DNAH11: variants seen among roughly 807,000 people sequenced by gnomAD.
DNAH11 encodes dynein axonemal heavy chain 11, also known as axonemal beta dynein heavy chain 11.
A neutral mutation model predicts 526.0 loss-of-function variants in DNAH11; 442 were observed. The observed-to-expected ratio is 0.84, with a 90% CI of 0.78 to 0.91. The LOEUF is 0.91. Among genes scored for constraint, DNAH11 ranks in the 40% least tolerant of loss-of-function variants. DNAH11 has a pLI of 0.00. For synonymous variants in DNAH11, 2,461 were observed against 1,935.9 expected (o/e 1.27, Z -7.12); for missense variants, 6,989 against 5,448.7 (o/e 1.28, Z -8.90).
chr7:21,689,817 C>T (rs1223225918), intron 34 of DNAH11, among the ~76,000 whole-genome samples: 2 of 152,234 alleles, frequency 1.3e-5, no homozygotes, highest in Non-Finnish European at 2.9e-5. Context: ...CAGCCCTCCC[C>T]TCTCAGCAAT....
intron 36 of DNAH11, among the ~76,000 whole-genome samples, chr7:21,701,025 T>C (rs774009783): frequency 6.6e-6 from 1 of 152,060 alleles, no homozygotes; most frequent in Non-Finnish European, 1.5e-5. Context: ...GGTTGATGGG[T>C]ACAGCAAACC....
chr7:21,604,969 T>G (rs1485411390), intron 18 of DNAH11, among the ~76,000 whole-genome samples: 1 of 152,206 alleles, frequency 6.6e-6, no homozygotes, highest in Non-Finnish European at 1.5e-5. Flanking sequence ...TGAGCTGGTT[T>G]GGTATTCCTG....
intron 54 of DNAH11, among the ~76,000 whole-genome samples, chr7:21,762,243 A>T (rs552721848): frequency 2.0e-5 from 3 of 152,318 alleles, no homozygotes; most frequent in African/African-American, 7.2e-5. Context: ...TTATCACTCA[A>T]GTAACTCAGG....
At chr7:21,894,528 T>C (rs990082706) in intron 77 of DNAH11, 95 bp from the exon 78 acceptor site, 4 of 1,301,112 alleles carry the variant, frequency 3.1e-6, no homozygotes, top group Non-Finnish European at 4.3e-6. Context: ...AGTCGTATGA[T>C]ATATTCTGTA....
chr7:21,744,407 TA>T (rs1447496946), intron 49 of DNAH11, 30 bp from the exon 50 acceptor site: 1 of 1,606,134 alleles, frequency 6.2e-7, no homozygotes, highest in East Asian at 2.2e-5. Context: ...GCCTCTGAAT[TA>T]AAGGTATTTT....
chr7:21,743,834 T>G (rs934000879), intron 49 of DNAH11, among the ~76,000 whole-genome samples: 4 of 152,186 alleles, frequency 2.6e-5, no homozygotes, highest in African/African-American at 9.7e-5. Context: ...TTTTTTAGCC[T>G]TTTGCAGCTC....
At position 21,900,026 on chromosome 7, in the gene DNAH11, A is replaced by T; in HGVS notation, c.13209A>T (p.Lys4403Asn). The T allele has an allele frequency of 6.2e-7, 1 of 1,613,978 alleles. No individual in the cohort carries two copies. The highest frequency in any genetic ancestry group is 8.5e-7 in the Non-Finnish European group (1 of 1,179,864). Reference protein sequence around the residue: ...MARKNEWPLDKTRLTADVTKK... With the variant: ...MARKNEWPLDNTRLTADVTKK... ...GAAAAAATGAGTGGCCCCTGGATAA[A>T]ACGCGCTTGACTGCTGATGTTACCA... The change falls in exon 81 of 82, where the codon AAA (lysine) becomes AAT (asparagine). Residue 4403 changes from lysine to asparagine, a missense_variant. Coordinates refer to ENST00000409508, the MANE Select transcript of DNAH11 (RefSeq NM_001277115.2).
chr7:21,687,821 G>C (rs1783447637), intron 34 of DNAH11, among the ~76,000 whole-genome samples: 1 of 152,180 alleles, frequency 6.6e-6, no homozygotes, highest in South Asian at 2.1e-4. Flanking sequence ...TTGGGAGTTT[G>C]AGGCGAGAGG....
chr7:21,575,680 C>A lies in DNAH11; in HGVS notation c.1593+3707C>A, dbSNP rs147420591. Among the ~76,000 whole-genome samples the A allele has an allele frequency of 1.6e-3, 239 of 152,262 alleles. 2 individuals are homozygous for A. The East Asian group carries it at 0.035, about 22-fold the overall frequency. On this transcript the variant is annotated intron_variant, in intron 8 of 81. Coordinates refer to ENST00000409508, the MANE Select transcript of DNAH11 (RefSeq NM_001277115.2). ...CTTTCTTCTCACCCTATGGCCTTTT[C>A]CCTAGTCTTCCATTTTTCCTCCCCA...
At position 21,901,122 on chromosome 7, in the gene DNAH11, A is replaced by T. The variant is rs1784799995; in HGVS notation, c.13419A>T (p.Lys4473Asn). 6.2e-7 allele frequency: 1 copy of T among 1,613,296 alleles called. No individual in the cohort carries two copies. The highest frequency in any genetic ancestry group is 1.7e-5 in the Admixed American group (1 of 59,900). ...KATPVDRQET[K>N]QTYECPVYRT... is the part of the protein sequence containing the mutation. ...CCCCCGTGGACAGACAAGAAACCAA[A>T]CAGACCTACGAGTGCCCTGTGTATA... The change falls in exon 82 of 82, where the codon AAA becomes AAT. Residue 4473 changes from lysine to asparagine, a missense_variant. Coordinates refer to ENST00000409508, the MANE Select transcript of DNAH11 (RefSeq NM_001277115.2).
chr7:21,824,338 C>T (rs2128004100), intron 65 of DNAH11, among the ~76,000 whole-genome samples: 1 of 152,250 alleles, frequency 6.6e-6, no homozygotes, highest in South Asian at 2.1e-4. Flanking sequence ...GCCTCCACTT[C>T]CAAAGGTAGC....
rs1209924469 is a variant in DNAH11 at position 21,773,762 on chromosome 7, T to C, written c.9103-4T>C. On this transcript the variant is annotated splice_polypyrimidine_tract_variant and splice_region_variant and intron_variant, in intron 55 of 81. Coordinates refer to ENST00000409508, the MANE Select transcript of DNAH11 (RefSeq NM_001277115.2). ...CACATGAACTGTAATGTTTGTGTTT[T>C]CAGCCAGTGCACAAAGACTCTATTA... 1 of 1,529,782 alleles carries C rather than the reference T, an allele frequency of 6.5e-7. No individual in the cohort carries two copies. The highest frequency in any genetic ancestry group is 1.3e-5 in the South Asian group (1 of 74,668). 94.8% of individuals were successfully genotyped at this position (1,529,782 alleles called of 1,614,324 possible).
chr7:21,609,658 CAG>C (rs1160561666), intron 20 of DNAH11, among the ~76,000 whole-genome samples: 1 of 152,200 alleles, frequency 6.6e-6, no homozygotes, highest in African/African-American at 2.4e-5. Flanking sequence ...TTTCATAAAA[CAG>C]ATGCTGAATA....
intron 76 of DNAH11, among the ~76,000 whole-genome samples, chr7:21,889,809 A>G (rs113502691): frequency 6.6e-6 from 1 of 152,180 alleles, no homozygotes; most frequent in Non-Finnish European, 1.5e-5. Flanking sequence ...GAGCTCTACA[A>G]TGATGGCCCC....
At chr7:21,859,368 C>A (rs1782970985) in intron 68 of DNAH11, among the ~76,000 whole-genome samples, 1 of 152,178 alleles carries the variant, frequency 6.6e-6, no homozygotes, top group African/African-American at 2.4e-5. Context: ...CCTGCCTCAG[C>A]CTCCCAAAGT....
Position 21,867,906 on chromosome 7 carries a change from G to C in DNAH11, c.11738G>C (p.Arg3913Thr), listed in dbSNP as rs1583791395. Residue 3913 changes from arginine to threonine, a missense_variant, in exon 72 of 82, where the codon AGA (arginine) becomes ACA (threonine). By Grantham distance (71) the Arg-to-Thr change is moderately conservative. Transcript: ENST00000409508. ...KLGAKYVERT[R>T]LDLVKAFEES... ...GGTGCGAAGTATGTGGAGAGGACCA[G>C]ATTGGACTTAGTTAAAGCATTCGAA... 1.3e-6 allele frequency: 2 copies of C among 1,581,854 alleles called. No homozygotes were observed. The highest frequency in any genetic ancestry group is 1.7e-6 in the Non-Finnish European group (2 of 1,162,692).
intron 66 of DNAH11, among the ~76,000 whole-genome samples, chr7:21,846,207 C>A (rs1454519202): frequency 6.6e-6 from 1 of 152,086 alleles, no homozygotes; most frequent in Non-Finnish European, 1.5e-5. Flanking sequence ...CCTTCCCATT[C>A]CATATACCTT....
chr7:21,600,594 T>C, intron 15 of DNAH11, 82 bp from the exon 16 acceptor site: 1 of 1,375,848 alleles, frequency 7.3e-7, no homozygotes, highest in South Asian at 2.1e-5. Flanking sequence ...TTTGAAGAAT[T>C]ACCTTGGTAA....
intron 55 of DNAH11, among the ~76,000 whole-genome samples, chr7:21,769,832 G>A (rs1787346888): frequency 6.6e-6 from 1 of 151,944 alleles, no homozygotes; most frequent in South Asian, 2.1e-4. Flanking sequence ...TTGCTTCTTT[G>A]TTTCAACTTT....
Sources: allele counts gnomAD v4.1 joint callset (sites outside exome capture counted in the v4.1 genomes callset), GRCh38; gene constraint gnomAD v4.1.1; transcripts MANE v1.5; gene names NCBI Gene and HGNC (gene_info 2026-07-23, HGNC 2026-07-21).